The following PKIA variants were observed in gnomAD, a reference collection of about 807,000 sequenced individuals.
PKIA encodes the protein PKI-alpha.
Under a neutral mutation model 7.6 loss-of-function variants are expected in PKIA, and 4 were observed. That is an observed-to-expected ratio of 0.52 (90% CI 0.26 to 1.20). The LOEUF (loss-of-function observed/expected upper bound fraction) is 1.20. PKIA is among the 50% of genes most tolerant of loss of function. PKIA has a pLI of 0.13. For synonymous variants in PKIA, 21 were observed against 30.7 expected, an observed-to-expected ratio of 0.68 and a Z score of 1.04; for missense variants, 73 against 86.2, an observed-to-expected ratio of 0.85 and a Z score of 0.61.
intron 1 of PKIA, among the ~76,000 whole-genome samples, chr8:78,545,225 T>TTG (rs1446911150): frequency 1.3e-5 from 2 of 152,152 alleles, no homozygotes; most frequent in Non-Finnish European, 2.9e-5. Flanking sequence ...ACCCCAGTCT[T>TTG]TGGAGAAAAT....
chr8:78,573,242 T>C (rs1411342117), intron 2 of PKIA, among the ~76,000 whole-genome samples: 1 of 152,108 alleles, frequency 6.6e-6, no homozygotes, highest in Non-Finnish European at 1.5e-5. Flanking sequence ...TTCAGTATTT[T>C]CTTTTAAAAC....
intron 1 of PKIA, among the ~76,000 whole-genome samples, chr8:78,529,380 A>T (rs941534401): frequency 6.6e-6 from 1 of 152,098 alleles, no homozygotes; most frequent in Non-Finnish European, 1.5e-5. Flanking sequence ...ATAGTATTTA[A>T]TCAGATTTTC....
At chr8:78,531,180 T>G (rs1331129362) in intron 1 of PKIA, among the ~76,000 whole-genome samples, 1 of 152,108 alleles carries the variant, frequency 6.6e-6, no homozygotes, top group African/African-American at 2.4e-5. Flanking sequence ...TCATCATTAA[T>G]TTCATCTTTC....
chr8:78,580,878 A>G (rs985850198), intron 2 of PKIA, among the ~76,000 whole-genome samples: 2 of 152,100 alleles, frequency 1.3e-5, no homozygotes, highest in African/African-American at 4.8e-5. Flanking sequence ...CAATATATTT[A>G]GCAAATATAG....
chr8:78,557,481 T>C lies in PKIA; in HGVS notation c.-156-15330T>C, dbSNP rs534324479. Among the ~76,000 whole-genome samples, 70 of 152,320 alleles carry C rather than the reference T, an allele frequency of 4.6e-4. 1 individual carries two copies. The South Asian group carries it at 0.014, about 30-fold the overall frequency. The stretch of plus-strand genomic sequence containing the variant: ...TTATTATGCTAGAAGTTGTATGAGA[T>C]TATCTGAGTAAAAGCATTTCAATTA... On this transcript the variant is annotated intron_variant, in intron 1 of 3. Coordinates refer to ENST00000396418, the MANE Select transcript of PKIA (RefSeq NM_006823.4).
chr8:78,574,666 G>T (rs1352264647), intron 2 of PKIA, among the ~76,000 whole-genome samples: 4 of 151,864 alleles, frequency 2.6e-5, no homozygotes, highest in Non-Finnish European at 4.4e-5. Context: ...ACTCATATTT[G>T]ATTATTTTAT....
chr8:78,559,084 G>T (rs568701337), intron 1 of PKIA, among the ~76,000 whole-genome samples: 1 of 152,164 alleles, frequency 6.6e-6, no homozygotes, highest in East Asian at 1.9e-4. Context: ...ACAACGCCTG[G>T]CTAATGTTTG....
In PKIA at chr8:78,604,776, T is replaced by C. The variant is rs1209474684; in HGVS notation, c.*2955T>C. The C allele has an allele frequency of 6.6e-6, 1 of 151,988 alleles. No homozygotes were observed. The highest frequency in any genetic ancestry group is 2.4e-5 in the African/African-American group (1 of 41,420). The allele number at this position is 151,988 out of a possible 1,614,324, so 9.4% of individuals were successfully genotyped here. On this transcript the variant is annotated 3_prime_UTR_variant, in exon 4 of 4. Coordinates refer to ENST00000396418, the MANE Select transcript of PKIA (RefSeq NM_006823.4). ...CTTATTTGCAACAAGCATGAAATTG[T>C]TAAATTTACCTTTTATCAATTGTAA...
chr8:78,604,534 C>T lies in PKIA; in HGVS notation c.*2713C>T, dbSNP rs939840283. ...GAAGGAGAAATTGCCGTTCTCAAGGCTCCCTGGATGGGTAATAACACAGAT... is the reference window on the plus strand; with the variant it reads ...GAAGGAGAAATTGCCGTTCTCAAGGTTCCCTGGATGGGTAATAACACAGAT... On this transcript the variant is annotated 3_prime_UTR_variant, in exon 4 of 4. Transcript: ENST00000396418. 5.9e-5 allele frequency: 9 copies of T among 151,824 alleles called. No individual in the cohort carries two copies. The highest frequency in any genetic ancestry group is 2.2e-4 in the African/African-American group (9 of 41,336). The allele number at this position is 151,824 out of a possible 1,614,324, so 9.4% of individuals were successfully genotyped here.
intron 1 of PKIA, among the ~76,000 whole-genome samples, chr8:78,521,512 G>GA (rs111297307): frequency 3.2e-4 from 47 of 147,542 alleles, no homozygotes; most frequent in African/African-American, 8.9e-4. Flanking sequence ...CATTAGTCTG[G>GA]AAAAAAAAAC....
At chr8:78,525,480 C>A (rs1476215907) in intron 1 of PKIA, among the ~76,000 whole-genome samples, 1 of 151,954 alleles carries the variant, frequency 6.6e-6, no homozygotes, top group Non-Finnish European at 1.5e-5. Context: ...TGACACTAAA[C>A]AGTCCATTAA....
chr8:78,523,483 T>C (rs942502198), intron 1 of PKIA, among the ~76,000 whole-genome samples: 4 of 151,950 alleles, frequency 2.6e-5, no homozygotes, highest in African/African-American at 9.7e-5. Context: ...AGCAGTTTTT[T>C]GGTCATTGCA....
chr8:78,572,655 G>A lies in PKIA; in HGVS notation c.-156-156G>A, dbSNP rs115748316. ...AAAATTCAACCTATACTCTCATCAC[G>A]TGTTTGTGTTGTGAGAATTCATACT... On this transcript the variant is annotated intron_variant, in intron 1 of 3. Transcript: ENST00000396418. Among the ~76,000 whole-genome samples, 1,064 of 151,874 alleles carry A rather than the reference G, an allele frequency of 7.0e-3. 9 individuals carry two copies. Among genetic ancestry groups the A allele is most frequent in the African/African-American group, 0.024 (1,000 of 41,416 alleles).
intron 1 of PKIA, among the ~76,000 whole-genome samples, chr8:78,540,298 GC>G (rs1469605505): frequency 2.0e-5 from 3 of 152,008 alleles, no homozygotes; most frequent in African/African-American, 7.2e-5. Flanking sequence ...TATCTGCTAA[GC>G]TTTTGCTGTC....
chr8:78,519,409 A>G (rs1037570531), intron 1 of PKIA, among the ~76,000 whole-genome samples: 3 of 152,268 alleles, frequency 2.0e-5, no homozygotes, highest in Non-Finnish European at 2.9e-5. Context: ...CTGTACTTCA[A>G]CCAGGGCAAC....
chr8:78,558,321 T>G (rs182886553), intron 1 of PKIA: 4 of 152,338 alleles, frequency 2.6e-5, no homozygotes, highest in Admixed American at 2.6e-4. Context: ...TTCTATACCT[T>G]TCACTGCCTC....
At chr8:78,573,927 C>G (rs972174094) in intron 2 of PKIA, among the ~76,000 whole-genome samples, 6 of 151,964 alleles carry the variant, frequency 3.9e-5, no homozygotes, top group African/African-American at 1.4e-4. Flanking sequence ...GTATCTGTGA[C>G]ATGAAAGCCT....
At chr8:78,547,864 G>A (rs1391015685) in intron 1 of PKIA, among the ~76,000 whole-genome samples, 3 of 150,106 alleles carry the variant, frequency 2.0e-5, no homozygotes, top group Admixed American at 1.3e-4. Flanking sequence ...TGTGATGAAA[G>A]ATGAAGCTCA....
At chr8:78,551,173 T>C (rs1806973995) in intron 1 of PKIA, among the ~76,000 whole-genome samples, 1 of 152,054 alleles carries the variant, frequency 6.6e-6, no homozygotes, top group South Asian at 2.1e-4. Context: ...GTGTGGATAT[T>C]ACAAAAGAAG....
Sources: allele counts gnomAD v4.1 joint callset (sites outside exome capture counted in the v4.1 genomes callset), GRCh38; gene constraint gnomAD v4.1.1; transcripts MANE v1.5; gene names NCBI Gene and HGNC (gene_info 2026-07-23, HGNC 2026-07-21).